SYT17: variants seen among roughly 807,000 people sequenced by gnomAD.
SYT17 encodes synaptotagmin 17.
Under a neutral mutation model 46.7 loss-of-function variants are expected in SYT17, and 22 were observed. The ratio of observed to expected loss-of-function variants is 0.47; its 90% CI spans 0.34 to 0.67. The LOEUF is 0.67. SYT17 is among the 30% of genes least tolerant of loss of function. The pLI is 0.01. For missense variants in SYT17, 519 were observed against 612.8 expected (o/e 0.85, Z 1.62); for synonymous variants, 251 against 248.4 (o/e 1.01, Z -0.10).
At chr16:19,171,289 TATGATGATGATGATGATGATGATG>T (rs66740634) in intron 1 of SYT17, 2 of 107,600 alleles carry the variant, frequency 1.9e-5, no homozygotes. Flanking sequence ...CCACCTATAC[TATGATGATGATGATGATGATGATG>T]ATGATGATGA....
At chr16:19,175,394 C>T (rs960488626) in intron 3 of SYT17, among the ~76,000 whole-genome samples, 3 of 151,948 alleles carry the variant, frequency 2.0e-5, no homozygotes, top group African/African-American at 7.3e-5. Flanking sequence ...TGGCTCTCAT[C>T]TGTAATCCCA....
chr16:19,208,023 A>G (rs551735089), intron 5 of SYT17, among the ~76,000 whole-genome samples: 39 of 152,354 alleles, frequency 2.6e-4, no homozygotes, highest in Admixed American at 2.5e-3. Context: ...ATAAGGAAAT[A>G]AAGATCTTTA....
intron 7 of SYT17, among the ~76,000 whole-genome samples, chr16:19,265,242 A>T (rs1969281194): frequency 6.6e-6 from 1 of 152,214 alleles, no homozygotes. Context: ...CAAAGCTTCC[A>T]TTCCTATTAT....
chr16:19,255,515 G>A (rs945214094), intron 7 of SYT17, among the ~76,000 whole-genome samples: 3 of 152,068 alleles, frequency 2.0e-5, no homozygotes, highest in African/African-American at 4.8e-5. Flanking sequence ...GGCCAGGCAC[G>A]GTGGCTCACA....
At chr16:19,191,662 G>A (rs1174177365) in intron 5 of SYT17, among the ~76,000 whole-genome samples, 1 of 152,222 alleles carries the variant, frequency 6.6e-6, no homozygotes, top group African/African-American at 2.4e-5. Context: ...GATGGATAGG[G>A]AAGAAGCAAA....
Position 19,168,338 on chromosome 16 carries a change from C to T in SYT17, c.-309C>T, listed in dbSNP as rs943965902. On this transcript the variant is annotated 5_prime_UTR_variant, in exon 1 of 8. Transcript: ENST00000355377. This position sits in a 1 kb window ranked among gnomAD's most constrained non-coding sequence, Gnocchi z 6.9. ...TTGCCCAGGCGCCCCGGCCTTATTCCAGCCTGGGGAGCGCCTCGGTGGGGA... is the reference window on the plus strand; with the variant it reads ...TTGCCCAGGCGCCCCGGCCTTATTCTAGCCTGGGGAGCGCCTCGGTGGGGA... 4 of 450,636 alleles carry T rather than the reference C, an allele frequency of 8.9e-6. No individual in the cohort carries two copies. Among genetic ancestry groups the T allele is most frequent in the Non-Finnish European group, 1.6e-5 (4 of 254,944 alleles). The allele number at this position is 450,636 out of a possible 1,614,324, so 27.9% of individuals were successfully genotyped here.
intron 5 of SYT17, among the ~76,000 whole-genome samples, chr16:19,184,925 T>C (rs1004549288): frequency 6.6e-6 from 1 of 152,178 alleles, no homozygotes; most frequent in Non-Finnish European, 1.5e-5. Context: ...CAGGGAAATG[T>C]GGTTGGCTGC....
rs1963944126 is a variant in SYT17 at position 19,168,334 on chromosome 16, A to C, written c.-313A>C. The C allele has an allele frequency of 2.3e-6, 1 of 441,406 alleles. No homozygotes were observed. Among genetic ancestry groups the C allele is most frequent in the Non-Finnish European group, 4.0e-6 (1 of 249,478 alleles). The allele number at this position is 441,406 out of a possible 1,614,324, so 27.3% of individuals were successfully genotyped here. A position where few individuals can be genotyped will look rare whatever the true frequency, so the allele number is the denominator to read the frequency against. ...CTGCTTGCCCAGGCGCCCCGGCCTT[A>C]TTCCAGCCTGGGGAGCGCCTCGGTG... On this transcript the variant is annotated 5_prime_UTR_variant, in exon 1 of 8. Coordinates refer to ENST00000355377, the MANE Select transcript of SYT17 (RefSeq NM_016524.4). This position sits in a 1 kb window ranked among gnomAD's most constrained non-coding sequence, Gnocchi z 6.9.
At chr16:19,206,119 T>G (rs576065967) in intron 5 of SYT17, among the ~76,000 whole-genome samples, 6 of 152,054 alleles carry the variant, frequency 3.9e-5, no homozygotes, top group East Asian at 3.9e-4. Flanking sequence ...GTCAAGAAAA[T>G]TGCCAAAAAC....
intron 7 of SYT17, among the ~76,000 whole-genome samples, chr16:19,230,463 A>G (rs185223382): frequency 1.1e-3 from 165 of 152,208 alleles, no homozygotes; most frequent in African/African-American, 3.8e-3. Context: ...CACTGTGAAT[A>G]TACTTAATGC....
chr16:19,195,946 C>T (rs1405627518), intron 5 of SYT17, among the ~76,000 whole-genome samples: 1 of 152,124 alleles, frequency 6.6e-6, no homozygotes, highest in Non-Finnish European at 1.5e-5. Context: ...GATGGCAACA[C>T]TGCACTCCAG....
chr16:19,195,399 CCTT>C (rs1285726097), intron 5 of SYT17, among the ~76,000 whole-genome samples: 1 of 144,290 alleles, frequency 6.9e-6, no homozygotes, highest in Non-Finnish European at 1.5e-5. Flanking sequence ...ACAAAACAAA[CCTT>C]TTTTTTTTTT....
At chr16:19,219,606 C>T (rs1389724376) in intron 5 of SYT17, among the ~76,000 whole-genome samples, 3 of 152,272 alleles carry the variant, frequency 2.0e-5, no homozygotes, top group Admixed American at 6.5e-5. Flanking sequence ...CAAATGCACA[C>T]GTAACTGCTA....
At chr16:19,258,346 G>C (rs906699393) in intron 7 of SYT17, among the ~76,000 whole-genome samples, 2 of 152,100 alleles carry the variant, frequency 1.3e-5, no homozygotes, top group African/African-American at 4.8e-5. Context: ...GCAGTCACAA[G>C]GGAGATAGAG....
At chr16:19,221,737 G>A (rs1369026206) in intron 5 of SYT17, among the ~76,000 whole-genome samples, 1 of 152,148 alleles carries the variant, frequency 6.6e-6, no homozygotes, top group African/African-American at 2.4e-5. Context: ...AAAAGATAGA[G>A]ATGAAAGATA....
At chr16:19,177,015 C>T (rs986977572) in intron 3 of SYT17, among the ~76,000 whole-genome samples, 1 of 152,142 alleles carries the variant, frequency 6.6e-6, no homozygotes, top group Non-Finnish European at 1.5e-5. Context: ...TGTTGAGTAT[C>T]ACAGCCAGGT....
chr16:19,229,870 TCA>T (rs1183262612), intron 7 of SYT17, among the ~76,000 whole-genome samples: 1 of 152,158 alleles, frequency 6.6e-6, no homozygotes, highest in Admixed American at 6.5e-5. Context: ...GGAATATTAC[TCA>T]GTCTTGAGTA....
intron 5 of SYT17, among the ~76,000 whole-genome samples, chr16:19,188,937 A>G (rs1964899314): frequency 6.6e-6 from 1 of 151,922 alleles, no homozygotes; most frequent in African/African-American, 2.4e-5. Flanking sequence ...CCCAGGCTGG[A>G]GTGCAGTGGT....
chr16:19,216,393 T>A (rs75703901), intron 5 of SYT17, among the ~76,000 whole-genome samples: 13 of 151,784 alleles, frequency 8.6e-5, no homozygotes, highest in South Asian at 4.2e-4. Flanking sequence ...TTTTTTTTTT[T>A]TTATTATACT....
Sources: gnomAD v4.1 joint callset for allele counts (sites outside exome capture counted in the v4.1 genomes callset) on GRCh38, gnomAD v4.1.1 for gene constraint, Gnocchi (gnomAD v3.1) non-coding constraint, MANE v1.5 for transcripts, NCBI Gene and HGNC (gene_info 2026-07-23, HGNC 2026-07-21) for gene names.